The following DLG5 variants were observed in gnomAD, a reference collection of about 807,000 sequenced individuals.
The protein encoded by DLG5 is disks large homolog 5.
In DLG5, 48 loss-of-function variants were observed where a neutral mutation model predicts 189.8. The observed-to-expected ratio is 0.25, with a 90% CI of 0.20 to 0.32. DLG5 has a LOEUF of 0.32. Among genes scored for constraint, DLG5 ranks in the 10% least tolerant of loss-of-function variants. The probability of loss-of-function intolerance (pLI) is 1.00; values close to 1 mark genes in which losing one functional copy is unlikely to be tolerated. For missense variants in DLG5, 2,160 were observed against 2,544.7 expected (o/e 0.85, Z 3.25); for synonymous variants, 1,016 against 1,054.1 (o/e 0.96, Z 0.70).
Position 77,835,770 on chromosome 10 carries a change from T to A in DLG5, c.1590A>T (p.Arg530=), listed in dbSNP as rs1387081628. The A allele has an allele frequency of 3.1e-6, 5 of 1,613,334 alleles. No homozygotes were observed. Among genetic ancestry groups the A allele is most frequent in the East Asian group, 2.2e-5 (1 of 44,884 alleles). ...TGTCACGCTCTGCTACAATCTTGTC[T>A]CGCTCCTGGAAGGCCCAGTCCCGCC... ...KCRRDWAFQE[R]DKIVAERDSI... The change falls in exon 8 of 32, where the codon CGA becomes CGT. Residue 530 remains arginine (R), a synonymous_variant. Coordinates refer to ENST00000372391, the MANE Select transcript of DLG5 (RefSeq NM_004747.4).
intron 20 of DLG5, 110 bp downstream of exon 20, chr10:77,816,441 G>T (rs1842054863): frequency 1.3e-6 from 2 of 1,518,400 alleles, no homozygotes; most frequent in Admixed American, 1.7e-5. Flanking sequence ...GGACACTCAA[G>T]CTACTCCTGC....
intron 7 of DLG5, among the ~76,000 whole-genome samples, chr10:77,839,141 G>C (rs1010674029): frequency 6.6e-6 from 1 of 152,218 alleles, no homozygotes; most frequent in African/African-American, 2.4e-5. Flanking sequence ...AGGGAACTCA[G>C]GTGTTCTTTG....
At chr10:77,824,538 G>T in intron 13 of DLG5, 62 bp from the exon 14 acceptor site, 14 of 1,331,102 alleles carry the variant, frequency 1.1e-5, no homozygotes, top group Non-Finnish European at 1.5e-5. Context: ...TACCAGTCAG[G>T]ATCTCTGCCT....
At chr10:77,841,022 C>T (rs751533468) in intron 7 of DLG5, among the ~76,000 whole-genome samples, 24 of 152,214 alleles carry the variant, frequency 1.6e-4, no homozygotes, top group Non-Finnish European at 3.1e-4. Flanking sequence ...AAGCTGCATT[C>T]TAACTGACCT....
upstream of DLG5, chr10:77,926,900 A>G: frequency 3.0e-6 from 1 of 336,674 alleles, no homozygotes; most frequent in Non-Finnish European, 6.1e-6. This position sits in a 1 kb window ranked among gnomAD's most constrained non-coding sequence, Gnocchi z 5.2. Flanking sequence ...CCGCGAGAAA[A>G]CTCGCCCCGA....
chr10:77,908,866 C>T (rs1028375482), intron 1 of DLG5, among the ~76,000 whole-genome samples: 3 of 152,026 alleles, frequency 2.0e-5, no homozygotes, highest in African/African-American at 7.2e-5. Context: ...AAAACACTTG[C>T]CATGTGCTAT....
At position 77,826,528 on chromosome 10, in the gene DLG5, C is replaced by T. The variant is rs190287763; in HGVS notation, c.2290-2052G>A. Among the ~76,000 whole-genome samples, 11 of 152,296 alleles carry T rather than the reference C, an allele frequency of 7.2e-5. No individual in the cohort carries two copies. In the East Asian group the frequency reaches 1.9e-3, roughly 27 times the overall value. The stretch of plus-strand genomic sequence containing the variant: ...TCTGTAATCCCAGCTGCTCAGGTGG[C>T]TGAGGCAGGAGAATCACTTAGACCT... On this transcript the variant is annotated intron_variant, in intron 13 of 31. Transcript: ENST00000372391.
At chr10:77,927,130 A>G (rs371867560), upstream of DLG5, 559 of 158,440 alleles carry the variant, frequency 3.5e-3, 2 homozygotes, top group South Asian at 0.019. Context: ...TCCCCTCCCC[A>G]GGCCGTCCCT....
At chr10:77,792,878 G>A (rs1018241191) in intron 31 of DLG5, 35 of 322,208 alleles carry the variant, frequency 1.1e-4, no homozygotes, top group Middle Eastern at 9.7e-4. Flanking sequence ...TGCAGGAAAC[G>A]ACAAGTTTAA....
intron 5 of DLG5, among the ~76,000 whole-genome samples, chr10:77,851,007 G>A (rs1843944993): frequency 6.6e-6 from 1 of 152,248 alleles, no homozygotes; most frequent in Admixed American, 6.5e-5. Context: ...CTGCCGGCAG[G>A]CAAAACAGCA....
Position 77,892,136 on chromosome 10 carries a change from G to C in DLG5, c.305-22939C>G, listed in dbSNP as rs564169376. Among the ~76,000 whole-genome samples the C allele has an allele frequency of 6.6e-5, 10 of 152,246 alleles. No individual in the cohort carries two copies. The South Asian group carries it at 2.1e-3, about 32-fold the overall frequency. The stretch of plus-strand genomic sequence containing the variant: ...TGGCACAGCTTCCTGGGATGCCCCA[G>C]CTTCCCGGGATGCCCCAGCTAATGG... On this transcript the variant is annotated intron_variant, in intron 1 of 31. Coordinates refer to ENST00000372391, the MANE Select transcript of DLG5 (RefSeq NM_004747.4).
At chr10:77,795,294 C>A (rs552675617) in intron 29 of DLG5, among the ~76,000 whole-genome samples, 1 of 152,122 alleles carries the variant, frequency 6.6e-6, no homozygotes, top group South Asian at 2.1e-4. Context: ...CCAGACTGAG[C>A]GAATGAAGAG....
In DLG5 at chr10:77,817,743, C is replaced by T. The variant is rs1327696384; in HGVS notation, c.3784+34G>A. The T allele has an allele frequency of 7.2e-6, 11 of 1,529,176 alleles. No homozygotes were observed. In the African/African-American group the frequency reaches 1.4e-4, roughly 19 times the overall value. 94.7% of individuals were successfully genotyped at this position (1,529,176 alleles called of 1,614,324 possible). ...CAGGCAGAGATGAAAAGCTTGGCAC[C>T]CTCTGCAGCACAAAGTCCAAGTGGT... is the stretch of plus-strand genomic sequence containing the variant. On this transcript the variant is annotated intron_variant, in intron 18 of 31. Coordinates refer to ENST00000372391, the MANE Select transcript of DLG5 (RefSeq NM_004747.4).
intron 1 of DLG5, among the ~76,000 whole-genome samples, chr10:77,909,874 G>A (rs144414160): frequency 0.015 from 2,283 of 152,132 alleles, 50 homozygotes; most frequent in African/African-American, 0.051. Flanking sequence ...CAGTGTCCAC[G>A]GGGCCTTATC....
At position 77,812,285 on chromosome 10, in the gene DLG5, T is replaced by G; in HGVS notation, c.4118A>C (p.Tyr1373Ser). ...SIVSGEKGGIYVSKVTVGSIA... is the reference protein window; with the variant it reads ...SIVSGEKGGISVSKVTVGSIA... ...GCTCCCCACGGTCACCTTGGAGACG[T>G]AGATGCCGCCCTTCTCTCCACTCAC... is the stretch of plus-strand genomic sequence containing the variant. The change falls in exon 21 of 32, where the codon TAC becomes TCC. Residue 1373 changes from tyrosine (Y) to serine (S), a missense_variant. Transcript: ENST00000372391. The G allele has an allele frequency of 6.2e-7, 1 of 1,614,206 alleles. No individual in the cohort carries two copies. The highest frequency in any genetic ancestry group is 8.5e-7 in the Non-Finnish European group (1 of 1,180,030).
intron 2 of DLG5, among the ~76,000 whole-genome samples, chr10:77,859,145 G>T (rs1022405767): frequency 1.3e-5 from 2 of 151,948 alleles, no homozygotes; most frequent in African/African-American, 2.4e-5. Flanking sequence ...CAAAGTGGTC[G>T]GATTACAGGC....
chr10:77,814,378 T>A (rs1841931329), intron 20 of DLG5, among the ~76,000 whole-genome samples: 1 of 150,296 alleles, frequency 6.7e-6, no homozygotes. Flanking sequence ...AAGAGGTTTA[T>A]AAAGTATACT....
rs572794973 is a variant in DLG5 at position 77,884,938 on chromosome 10, T to C, written c.305-15741A>G. Reference sequence around the variant, plus strand: ...CTGAAACTGCTGGGACTCTTTCCAATGTTTTACAGAAAGGACGCTGCACAC... The same window carrying C: ...CTGAAACTGCTGGGACTCTTTCCAACGTTTTACAGAAAGGACGCTGCACAC... On this transcript the variant is annotated intron_variant, in intron 1 of 31. Transcript: ENST00000372391. Among the ~76,000 whole-genome samples the C allele has an allele frequency of 7.9e-5, 12 of 152,306 alleles. No homozygotes were observed. The South Asian group carries it at 1.7e-3, about 21-fold the overall frequency.
intron 1 of DLG5, among the ~76,000 whole-genome samples, chr10:77,907,694 C>T (rs1452817438): frequency 6.6e-6 from 1 of 152,176 alleles, no homozygotes; most frequent in Non-Finnish European, 1.5e-5. Flanking sequence ...CTGTTATTAT[C>T]CCCATTCCAC....
Sources: gnomAD v4.1 joint callset for allele counts (sites outside exome capture counted in the v4.1 genomes callset) on GRCh38, gnomAD v4.1.1 for gene constraint, Gnocchi (gnomAD v3.1) non-coding constraint, MANE v1.5 for transcripts, NCBI Gene and HGNC (gene_info 2026-07-23, HGNC 2026-07-21) for gene names.